CTBP2: variants seen among roughly 807,000 people sequenced by gnomAD.
The protein encoded by CTBP2 is C-terminal binding protein 2.
CTBP2 carries 30 observed loss-of-function variants against 80.3 expected under a neutral mutation model. The observed-to-expected ratio is 0.37, with a 90% confidence interval of 0.28 to 0.51. The LOEUF (loss-of-function observed/expected upper bound fraction) is 0.51. Among genes scored for constraint, CTBP2 ranks in the 20% least tolerant of loss-of-function variants. The pLI, the probability that CTBP2 is intolerant of heterozygous loss-of-function variation, is 0.93. For missense variants in CTBP2, 1,212 were observed against 1,375.3 expected, an observed-to-expected ratio of 0.88 and a Z score of 1.88; for synonymous variants, 594 against 587.4, an observed-to-expected ratio of 1.01 and a Z score of -0.16.
chr10:125,027,201 C>G lies in CTBP2; in HGVS notation c.559G>C (p.Gly187Arg), dbSNP rs766341982. ...TCGGGCTGCTCCCGTCCATACCGCC[C>G]GGGAGATGCAGCCCTGCTCTGTGTC... The change falls in exon 1 of 9, where the codon GGG becomes CGG. Residue 187 changes from glycine to arginine, a missense_variant. Gly to Arg is a moderately radical substitution (Grantham distance 125). Coordinates refer to ENST00000309035, the MANE Select transcript of CTBP2 (RefSeq NM_022802.3). 1 of 1,609,728 alleles carries G rather than the reference C, an allele frequency of 6.2e-7. No individual in the cohort carries two copies. The highest frequency in any genetic ancestry group is 8.5e-7 in the Non-Finnish European group (1 of 1,176,900).
intron 3 of CTBP2, among the ~76,000 whole-genome samples, chr10:125,033,453 T>C (rs949077228): frequency 2.5e-4 from 11 of 43,256 alleles, no homozygotes; most frequent in Admixed American, 1.3e-3. Flanking sequence ...GAGTCTCATT[T>C]CACAGCTTTA....
intron 2 of CTBP2, among the ~76,000 whole-genome samples, chr10:125,084,133 A>G (rs1847614996): frequency 1.3e-5 from 2 of 151,836 alleles, no homozygotes; most frequent in Admixed American, 6.6e-5. Context: ...ATGTTATTTT[A>G]TTTTTTGTAG....
At position 125,073,373 on chromosome 10, in the gene CTBP2, A is replaced by T. The variant is rs572540193; in HGVS notation, c.-101-34218T>A. On this transcript the variant is annotated intron_variant, in intron 2 of 10. Transcript: ENST00000337195. ...ATTCTCCTGCCTCAGGCTCCTGAGT[A>T]ACTGGAATTACAAGCGTGCACCACC... Among the ~76,000 whole-genome samples the T allele has an allele frequency of 3.3e-5, 5 of 152,264 alleles. No homozygotes were observed. The South Asian group carries it at 1.0e-3, about 32-fold the overall frequency.
At chr10:125,084,935 C>T (rs1454171098) in intron 2 of CTBP2, among the ~76,000 whole-genome samples, 2 of 152,252 alleles carry the variant, frequency 1.3e-5, no homozygotes, top group African/African-American at 4.8e-5. Flanking sequence ...CAGCAGATCT[C>T]TGCCAATGTG....
At chr10:125,151,792 A>C (rs1406449047) in intron 1 of CTBP2, among the ~76,000 whole-genome samples, 1 of 151,994 alleles carries the variant, frequency 6.6e-6, no homozygotes, top group Non-Finnish European at 1.5e-5. Context: ...GGCCTCGCGG[A>C]CCGGAGAGGG....
rs78179533 is a variant in CTBP2 at position 125,063,746 on chromosome 10, G to A, written c.-101-24591C>T. Among the ~76,000 whole-genome samples the A allele has an allele frequency of 5.1e-3, 770 of 152,298 alleles. 8 individuals carry two copies. Among genetic ancestry groups the A allele is most frequent in the African/African-American group, 0.018 (737 of 41,564 alleles). ...GCTTTACGGGGAATGTAAGTTTTGC[G>A]AATTCATTCATGTAGGACAAACTTC... On this transcript the variant is annotated intron_variant, in intron 2 of 10. Transcript: ENST00000337195.
rs745945549 is a variant in CTBP2 at position 125,026,830 on chromosome 10, T to C, written c.930A>G (p.Leu310=). The C allele has an allele frequency of 8.1e-6, 13 of 1,613,350 alleles. No individual in the cohort carries two copies. Among genetic ancestry groups the C allele is most frequent in the Admixed American group, 1.7e-5 (1 of 60,004 alleles). The change falls in exon 1 of 9, where the codon CTA becomes CTG. Residue 310 remains leucine, a synonymous_variant. Coordinates refer to ENST00000309035, the MANE Select transcript of CTBP2 (RefSeq NM_022802.3). ...CCGGGGAGTCAAAGCCCTGCTGCAG[T>C]AGGGCTCCCAGCGTGGCCTCTGCCA...
intron 5 of CTBP2, 123 bp downstream of exon 7, chr10:124,994,346 C>G: frequency 1.0e-6 from 1 of 959,616 alleles, no homozygotes; most frequent in Non-Finnish European, 1.6e-6. Context: ...GTTGCAGGGC[C>G]TCTTCCCTGC....
At chr10:125,030,296 T>C (rs754619542), upstream of CTBP2, among the ~76,000 whole-genome samples, 10 of 152,262 alleles carry the variant, frequency 6.6e-5, no homozygotes, top group Non-Finnish European at 1.0e-4. Flanking sequence ...AAACCCTCAC[T>C]ATAGAAATTA....
At chr10:125,112,392 C>T (rs1299277285) in intron 1 of CTBP2, among the ~76,000 whole-genome samples, 4 of 147,216 alleles carry the variant, frequency 2.7e-5, no homozygotes, top group Admixed American at 6.8e-5. Context: ...GGATTACAGG[C>T]GTGAGCCACC....
upstream of CTBP2, among the ~76,000 whole-genome samples, chr10:125,162,007 G>A (rs1052051210): frequency 6.6e-6 from 1 of 152,238 alleles, no homozygotes; most frequent in Non-Finnish European, 1.5e-5. Context: ...CGCCGTCTCC[G>A]GAAGGGAGCT....
intron 2 of CTBP2, among the ~76,000 whole-genome samples, chr10:125,080,334 G>A (rs1475810825): frequency 2.0e-5 from 3 of 151,944 alleles, no homozygotes; most frequent in South Asian, 4.1e-4. Context: ...TCTGTCACCC[G>A]TACCTCTTAC....
intron 1 of CTBP2, among the ~76,000 whole-genome samples, chr10:125,158,012 A>G (rs929157203): frequency 2.0e-5 from 3 of 152,242 alleles, no homozygotes; most frequent in Admixed American, 1.3e-4. Context: ...TTCTGTTTCA[A>G]CATTAAAGCA....
chr10:125,061,733 TG>T (rs1483183258), intron 2 of CTBP2, among the ~76,000 whole-genome samples: 1 of 152,134 alleles, frequency 6.6e-6, no homozygotes, highest in African/African-American at 2.4e-5. Flanking sequence ...CCTGCATTCC[TG>T]GGTTCTCAGA....
chr10:125,068,811 T>C (rs1845024151), intron 2 of CTBP2, among the ~76,000 whole-genome samples: 1 of 152,094 alleles, frequency 6.6e-6, no homozygotes, highest in Non-Finnish European at 1.5e-5. Context: ...ACTCCCTGAG[T>C]CACCTATTCC....
intron 2 of CTBP2, among the ~76,000 whole-genome samples, chr10:125,092,237 A>G (rs1848882926): frequency 7.2e-6 from 1 of 138,836 alleles, no homozygotes; most frequent in Non-Finnish European, 1.5e-5. Flanking sequence ...GCTGGAGTAC[A>G]GTGGCATGAT....
At chr10:125,010,796 C>A (rs1405064628) in intron 1 of CTBP2, among the ~76,000 whole-genome samples, 1 of 152,158 alleles carries the variant, frequency 6.6e-6, no homozygotes, top group Non-Finnish European at 1.5e-5. Flanking sequence ...AGCACACCTT[C>A]TAAACTTAGA....
intron 2 of CTBP2, among the ~76,000 whole-genome samples, chr10:125,041,259 T>A (rs1959654909): frequency 6.6e-6 from 1 of 152,144 alleles, no homozygotes; most frequent in Admixed American, 6.5e-5. Context: ...TTTTGTATTT[T>A]TTGAAGAGAT....
At chr10:125,039,011 T>C in exon 3 of CTBP2, 1 of 1,613,596 alleles carries the variant, frequency 6.2e-7, no homozygotes, top group Non-Finnish European at 8.5e-7. Context: ...ACAAATTCTG[T>C]CCAATCGCTG....
Sources: gnomAD v4.1 joint callset for allele counts (sites outside exome capture counted in the v4.1 genomes callset) on GRCh38, gnomAD v4.1.1 for gene constraint, MANE v1.5 for transcripts, NCBI Gene and HGNC (gene_info 2026-07-23, HGNC 2026-07-21) for gene names.